The following AADAT variants were observed in gnomAD, a reference collection of about 807,000 sequenced individuals.
AADAT encodes aminoadipate aminotransferase, also known as kynurenine/alpha-aminoadipate aminotransferase, mitochondrial.
Under a neutral mutation model 56.2 loss-of-function variants are expected in AADAT, and 25 were observed. That is an observed-to-expected ratio of 0.44 (90% CI 0.32 to 0.62). The LOEUF (loss-of-function observed/expected upper bound fraction) is 0.62. AADAT is among the 20% of genes least tolerant of loss of function. The probability of loss-of-function intolerance (pLI) is 0.04; values close to 1 mark genes in which losing one functional copy is unlikely to be tolerated. For missense variants in AADAT, 387 were observed against 510.5 expected (o/e 0.76, Z 2.33); for synonymous variants, 173 against 164.7 (o/e 1.05, Z -0.39).
intron 3 of AADAT, among the ~76,000 whole-genome samples, chr4:170,079,644 A>G (rs1732196209): frequency 6.6e-6 from 1 of 152,142 alleles, no homozygotes; most frequent in Non-Finnish European, 1.5e-5. Context: ...ATGATTATGG[A>G]CAATAGGGAA....
chr4:170,078,382 TG>T, intron 4 of AADAT, 126 bp downstream of exon 4: 1 of 530,006 alleles, frequency 1.9e-6, no homozygotes, highest in Non-Finnish European at 3.2e-6. Context: ...CATTTTTCTG[TG>T]GACAGATTAT....
chr4:170,061,053 A>G, intron 12 of AADAT, 84 bp from the exon 13 acceptor site: 1 of 1,009,118 alleles, frequency 9.9e-7, no homozygotes. Flanking sequence ...AATCCAAACA[A>G]AGAGTATCTG....
At chr4:170,068,479 C>A in intron 8 of AADAT, 112 bp downstream of exon 8, 1 of 709,304 alleles carries the variant, frequency 1.4e-6, no homozygotes, top group Non-Finnish European at 2.3e-6. Flanking sequence ...GCAAAGAAGG[C>A]AAACTATGAG....
At chr4:170,087,011 A>G (rs1460070150) in intron 3 of AADAT, 105 bp downstream of exon 3, 2 of 1,433,666 alleles carry the variant, frequency 1.4e-6, no homozygotes, top group Admixed American at 2.2e-5. Context: ...AAGAAAGACT[A>G]CCAGTAATCC....
At position 170,078,466 on chromosome 4, in the gene AADAT, A is replaced by G. The variant is rs763445523; in HGVS notation, c.444+43T>C. 3 of 1,181,524 alleles carry G rather than the reference A, an allele frequency of 2.5e-6. No individual in the cohort carries two copies. In the African/African-American group the frequency reaches 4.6e-5, roughly 18 times the overall value. The allele number at this position is 1,181,524 out of a possible 1,614,324, so 73.2% of individuals were successfully genotyped here. On this transcript the variant is annotated intron_variant, in intron 4 of 12. Coordinates refer to ENST00000337664, the MANE Select transcript of AADAT (RefSeq NM_016228.4). ...AACCTTTATTATAAGTTTTCTTCTT[A>G]TTTACTACAAGAGAGTTGCCTTTAG...
At chr4:170,091,004 CAGTAAAATCTTTGTGCTAGCAGCT>C (rs2111225867), upstream of AADAT, among the ~76,000 whole-genome samples, 1 of 152,324 alleles carries the variant, frequency 6.6e-6, no homozygotes, top group South Asian at 2.1e-4. Context: ...TGAGATAACC[CAGTAAAATCTTTGTGCTAGCAGCT>C]AAATAACAAA....
In AADAT at chr4:170,089,699, A is replaced by G. The variant is rs1175066315; in HGVS notation, c.-9T>C. On this transcript the variant is annotated 5_prime_UTR_variant, in exon 1 of 13. Coordinates refer to ENST00000337664, the MANE Select transcript of AADAT (RefSeq NM_016228.4). ...AACCGTGCGTAATTCATGTCTTCTG[A>G]CAGCCAAGCATCAAGCTTCTTCTTC... 1.2e-6 allele frequency: 2 copies of G among 1,613,952 alleles called. No homozygotes were observed. Among genetic ancestry groups the G allele is most frequent in the East Asian group, 4.5e-5 (2 of 44,870 alleles).
intron 3 of AADAT, among the ~76,000 whole-genome samples, chr4:170,083,610 A>T (rs1370979493): frequency 6.6e-6 from 1 of 152,180 alleles, no homozygotes; most frequent in Admixed American, 6.5e-5. Flanking sequence ...CTAAAAGAAG[A>T]CATAAAAACG....
intron 7 of AADAT, 150 bp downstream of exon 7, chr4:170,068,998 C>G: frequency 3.2e-6 from 2 of 630,944 alleles, no homozygotes; most frequent in Admixed American, 3.6e-5. Flanking sequence ...GAAAAAAAGG[C>G]CTGTGTTAAT....
upstream of AADAT, among the ~76,000 whole-genome samples, chr4:170,091,308 G>A (rs771411401): frequency 4.6e-5 from 7 of 152,174 alleles, no homozygotes; most frequent in Admixed American, 1.3e-4. Context: ...TGGGCTTGGC[G>A]GGCCGGCACT....
At chr4:170,065,614 C>T (rs916330321) in intron 10 of AADAT, among the ~76,000 whole-genome samples, 1 of 151,920 alleles carries the variant, frequency 6.6e-6, no homozygotes, top group African/African-American at 2.4e-5. Context: ...GATTCTCCTG[C>T]CTTAGCCTCC....
intron 6 of AADAT, among the ~76,000 whole-genome samples, chr4:170,069,725 T>C (rs1308258366): frequency 6.6e-6 from 1 of 152,094 alleles, no homozygotes; most frequent in African/African-American, 2.4e-5. Flanking sequence ...ACATTTACTT[T>C]AAAAGTAGCT....
At chr4:170,063,839 G>C (rs1200869426) in intron 11 of AADAT, among the ~76,000 whole-genome samples, 1 of 152,104 alleles carries the variant, frequency 6.6e-6, no homozygotes, top group Non-Finnish European at 1.5e-5. Flanking sequence ...TTAATTAATG[G>C]AGAAGGAATA....
chr4:170,092,173 G>A (rs1245386180), upstream of AADAT, among the ~76,000 whole-genome samples: 5 of 152,242 alleles, frequency 3.3e-5, no homozygotes, highest in African/African-American at 4.8e-5. Context: ...GCGGTAACCC[G>A]CTTGGATACT....
upstream of AADAT, among the ~76,000 whole-genome samples, chr4:170,090,773 T>G (rs1366622456): frequency 6.6e-6 from 1 of 152,172 alleles, no homozygotes; most frequent in Admixed American, 6.5e-5. Flanking sequence ...AGGTTTAATG[T>G]GAGCACTTAA....
At chr4:170,066,006 A>T (rs1731443160) in intron 10 of AADAT, among the ~76,000 whole-genome samples, 1 of 152,210 alleles carries the variant, frequency 6.6e-6, no homozygotes, top group Admixed American at 6.5e-5. Context: ...GAGATAAATG[A>T]GGTTAATGAT....
At chr4:170,080,354 C>T (rs1028532058) in intron 3 of AADAT, among the ~76,000 whole-genome samples, 2 of 152,128 alleles carry the variant, frequency 1.3e-5, no homozygotes, top group African/African-American at 4.8e-5. Context: ...TAATTCACGG[C>T]TTCTACACTG....
chr4:170,064,666 G>T (rs1731358058), intron 11 of AADAT, 53 bp downstream of exon 11: 3 of 1,414,908 alleles, frequency 2.1e-6, no homozygotes, highest in Non-Finnish European at 2.9e-6. Context: ...AAATATTAAA[G>T]AAAAAGTATA....
intron 3 of AADAT, among the ~76,000 whole-genome samples, chr4:170,079,147 A>G (rs1732174625): frequency 6.6e-6 from 1 of 152,236 alleles, no homozygotes; most frequent in African/African-American, 2.4e-5. Flanking sequence ...GATATTAAGT[A>G]CAGATGCACA....
Sources: gnomAD v4.1 joint callset for allele counts (sites outside exome capture counted in the v4.1 genomes callset) on GRCh38, gnomAD v4.1.1 for gene constraint, MANE v1.5 for transcripts, NCBI Gene and HGNC (gene_info 2026-07-23, HGNC 2026-07-21) for gene names.